Variants in CHD7 observed in about 807,000 individuals in gnomAD.
CHD7 encodes the protein chromodomain helicase DNA binding protein 7.
In CHD7, 24 loss-of-function variants were observed where a neutral mutation model predicts 307.3. The observed-to-expected ratio is 0.08, with a 90% confidence interval of 0.06 to 0.11. The LOEUF (loss-of-function observed/expected upper bound fraction) is 0.11. CHD7 is among the 10% of genes least tolerant of loss of function. The probability of loss-of-function intolerance (pLI) is 1.00; values close to 1 mark genes in which losing one functional copy is unlikely to be tolerated. For missense variants in CHD7, 3,106 were observed against 3,727.1 expected, an observed-to-expected ratio of 0.83 and a Z score of 4.34; for synonymous variants, 1,363 against 1,349.9, an observed-to-expected ratio of 1.01 and a Z score of -0.21.
At chr8:60,854,223 G>GC in intron 31 of CHD7, 140 bp from the exon 32 acceptor site, 3 of 658,310 alleles carry the variant, frequency 4.6e-6, no homozygotes, top group Non-Finnish European at 7.7e-6. Flanking sequence ...AGACAACAGT[G>GC]CCCAATACCA....
chr8:60,862,074 T>G lies in CHD7; in HGVS notation c.7831-122T>G, dbSNP rs150021098. On this transcript the variant is annotated intron_variant, in intron 35 of 37. Transcript: ENST00000423902. ...AAAATATGGTTTCTAATATTAATAA[T>G]TAAAATGATTCTTGAAACTTCCATA... 1.9e-4 allele frequency: 149 copies of G among 780,244 alleles called. No homozygotes were observed. The African/African-American group carries it at 2.3e-3, about 12-fold the overall frequency. 48.3% of individuals were successfully genotyped at this position (780,244 alleles called of 1,614,324 possible).
chr8:60,830,496 G>C lies in CHD7; in HGVS notation c.3697G>C (p.Gly1233Arg). The C allele has an allele frequency of 6.2e-7, 1 of 1,613,946 alleles. No homozygotes were observed. The highest frequency in any genetic ancestry group is 8.5e-7 in the Non-Finnish European group (1 of 1,179,844). Residue 1233 changes from glycine to arginine, a missense_variant, in exon 15 of 38, where the codon GGT (glycine) becomes CGT (arginine). Gly to Arg is a moderately radical substitution (Grantham distance 125). This residue lies in a region of CHD7 where 232 missense variants were observed against 422.5 expected (regional missense o/e 0.55). Coordinates refer to ENST00000423902, the MANE Select transcript of CHD7 (RefSeq NM_017780.4). ...EKNFTFLSKG[G>R]GQANVPNLLN... ...GAATTTCACATTTCTTTCCAAAGGC[G>C]GTGGTCAAGCTAACGTACCTAACCT... is the stretch of plus-strand genomic sequence containing the variant.
chr8:60,681,998 A>G (rs1387420816), intron 1 of CHD7, among the ~76,000 whole-genome samples: 1 of 152,160 alleles, frequency 6.6e-6, no homozygotes, highest in Non-Finnish European at 1.5e-5. Flanking sequence ...TTTCTTTTAT[A>G]TGTCTTAACA....
At chr8:60,781,490 AT>A in intron 3 of CHD7, 60 bp downstream of exon 3, 1 of 1,471,496 alleles carries the variant, frequency 6.8e-7, no homozygotes, top group Non-Finnish European at 9.0e-7. Flanking sequence ...TTAGCGCCAA[AT>A]AGTTACAGCC....
intron 6 of CHD7, among the ~76,000 whole-genome samples, chr8:60,803,729 G>T (rs1371187143): frequency 1.3e-5 from 2 of 152,198 alleles, no homozygotes; most frequent in African/African-American, 4.8e-5. Flanking sequence ...ATTAACAGGT[G>T]CTAACTTTTT....
At chr8:60,811,347 G>C (rs1026779898) in intron 7 of CHD7, among the ~76,000 whole-genome samples, 9 of 152,064 alleles carry the variant, frequency 5.9e-5, no homozygotes, top group African/African-American at 1.9e-4. Flanking sequence ...ACTAATCCCA[G>C]GTTTATCCTT....
chr8:60,864,879 T>C (rs1389189103), intron 37 of CHD7, 137 bp from the exon 38 acceptor site: 1 of 860,574 alleles, frequency 1.2e-6, no homozygotes, highest in African/African-American at 1.7e-5. Context: ...CATTAAGTTT[T>C]ATCATTGAGC....
Position 60,865,003 on chromosome 8 carries a change from C to A in CHD7, c.8077-13C>A. On this transcript the variant is annotated splice_polypyrimidine_tract_variant and intron_variant, in intron 37 of 37. Coordinates refer to ENST00000423902, the MANE Select transcript of CHD7 (RefSeq NM_017780.4). This position sits in a 1 kb window ranked among gnomAD's most constrained non-coding sequence, Gnocchi z 4.3. Reference sequence around the variant, plus strand: ...AGCCTTTATAGCCACTGTTTGCCTCCCCTGTACTCCAGGGTTTTGTTCCTG... The same window carrying A: ...AGCCTTTATAGCCACTGTTTGCCTCACCTGTACTCCAGGGTTTTGTTCCTG... 1 of 1,576,386 alleles carries A rather than the reference C, an allele frequency of 6.3e-7. No individual in the cohort carries two copies. The highest frequency in any genetic ancestry group is 8.6e-7 in the Non-Finnish European group (1 of 1,158,372).
intron 19 of CHD7, among the ~76,000 whole-genome samples, chr8:60,841,358 C>A (rs910020657): frequency 4.6e-5 from 7 of 152,348 alleles, no homozygotes; most frequent in Admixed American, 3.9e-4. Flanking sequence ...TCCAGCAACA[C>A]CCTGCCTGAA....
intron 37 of CHD7, chr8:60,864,481 G>A (rs1806150826): frequency 6.5e-6 from 1 of 153,498 alleles, no homozygotes; most frequent in African/African-American, 2.4e-5. Context: ...ATTTGTTATG[G>A]GTACATAGTA....
At chr8:60,708,506 TTTAACCC>T in intron 1 of CHD7, among the ~76,000 whole-genome samples, 1 of 152,206 alleles carries the variant, frequency 6.6e-6, no homozygotes, top group African/African-American at 2.4e-5. Flanking sequence ...CAGCTTTGCA[TTTAACCC>T]TTGAAAACAG....
intron 1 of CHD7, among the ~76,000 whole-genome samples, chr8:60,703,966 C>G (rs1007311372): frequency 6.6e-6 from 1 of 152,116 alleles, no homozygotes; most frequent in Non-Finnish European, 1.5e-5. Context: ...CCTCTTTCAT[C>G]CAGTTCTTTT....
chr8:60,705,056 A>G lies in CHD7; in HGVS notation c.-175+25974A>G, dbSNP rs1806955481. Among the ~76,000 whole-genome samples, 4 of 152,226 alleles carry G rather than the reference A, an allele frequency of 2.6e-5. No homozygotes were observed. The South Asian group carries it at 8.3e-4, about 31-fold the overall frequency. On this transcript the variant is annotated intron_variant, in intron 1 of 37. Coordinates refer to ENST00000423902, the MANE Select transcript of CHD7 (RefSeq NM_017780.4). Reference sequence around the variant, plus strand: ...TGCATAGGAGCTCTGAATGTGATATAAAATCTGATCCAATTGAGAGGTGAG... The same window carrying G: ...TGCATAGGAGCTCTGAATGTGATATGAAATCTGATCCAATTGAGAGGTGAG...
At chr8:60,848,945 T>C in intron 24 of CHD7, 106 bp from the exon 25 acceptor site, 1 of 911,028 alleles carries the variant, frequency 1.1e-6, no homozygotes, top group Admixed American at 1.8e-5. Context: ...CTCCCCACCA[T>C]GCTCAGATGT....
At chr8:60,813,412 C>T (rs1812902133) in intron 7 of CHD7, among the ~76,000 whole-genome samples, 1 of 152,140 alleles carries the variant, frequency 6.6e-6, no homozygotes, top group Admixed American at 6.5e-5. Context: ...TTGTCAGTTA[C>T]ATTGGCTAAT....
chr8:60,751,928 G>A (rs1436923743), intron 2 of CHD7, among the ~76,000 whole-genome samples: 1 of 152,238 alleles, frequency 6.6e-6, no homozygotes, highest in East Asian at 1.9e-4. Context: ...CAGGACGATG[G>A]GAGTGATGGC....
At chr8:60,758,020 CTGT>C (rs1319871660) in intron 2 of CHD7, among the ~76,000 whole-genome samples, 4 of 152,146 alleles carry the variant, frequency 2.6e-5, no homozygotes, top group African/African-American at 9.7e-5. Context: ...CTGGTTTTAT[CTGT>C]TGTTATTTAC....
At chr8:60,691,640 T>G (rs1159521598) in intron 1 of CHD7, among the ~76,000 whole-genome samples, 1 of 152,206 alleles carries the variant, frequency 6.6e-6, no homozygotes, top group Non-Finnish European at 1.5e-5. Flanking sequence ...GCCTCAGTCC[T>G]GCAGCTAATG....
At chr8:60,840,993 C>T (rs775959753) in intron 19 of CHD7, among the ~76,000 whole-genome samples, 1 of 152,230 alleles carries the variant, frequency 6.6e-6, no homozygotes, top group Non-Finnish European at 1.5e-5. Context: ...GTGGCTTCTT[C>T]TGCTGTGTTC....
Sources: allele counts gnomAD v4.1 joint callset (sites outside exome capture counted in the v4.1 genomes callset), GRCh38; gene constraint gnomAD v4.1.1; regional missense constraint gnomAD v4.1.1; non-coding constraint Gnocchi (gnomAD v3.1); transcripts MANE v1.5; gene names NCBI Gene and HGNC (gene_info 2026-07-23, HGNC 2026-07-21).